The following ZNF385D variants were observed in gnomAD, a reference collection of about 807,000 sequenced individuals.
The protein encoded by ZNF385D is zinc finger protein 659.
A neutral mutation model predicts 35.8 loss-of-function variants in ZNF385D; 15 were observed. The observed-to-expected ratio is 0.42, with a 90% confidence interval of 0.28 to 0.64. ZNF385D has a LOEUF of 0.64. ZNF385D is among the 30% of genes least tolerant of loss of function. The pLI is 0.23. For synonymous variants in ZNF385D, 212 were observed against 186.8 expected (o/e 1.13, Z -1.10); for missense variants, 474 against 494.6 (o/e 0.96, Z 0.39).
chr3:22,210,993 G>A lies in ZNF385D; in HGVS notation c.107-41958C>T, dbSNP rs541514515. On this transcript the variant is annotated intron_variant, in intron 2 of 5. Transcript: ENST00000494108. ...TTAAAACAAGTTTTGAAAATAGGCA[G>A]TTTGGCATATTGATCCTTTGGTGAG... is the stretch of plus-strand genomic sequence containing the variant. 3.9e-5 allele frequency among the ~76,000 whole-genome samples: 6 copies of A among 152,030 alleles called. No individual in the cohort carries two copies. In the South Asian group the frequency reaches 1.2e-3, roughly 32 times the overall value.
At chr3:21,983,940 T>G (rs1694658358) in intron 3 of ZNF385D, among the ~76,000 whole-genome samples, 1 of 135,938 alleles carries the variant, frequency 7.4e-6, no homozygotes, top group East Asian at 2.1e-4. Flanking sequence ...TTTTCATGTG[T>G]TTTTTGGCTG....
At chr3:21,724,502 A>C (rs1388442247) in intron 1 of ZNF385D, among the ~76,000 whole-genome samples, 4 of 98,292 alleles carry the variant, frequency 4.1e-5, no homozygotes, top group African/African-American at 1.2e-4. Context: ...AAAAAAAAAA[A>C]AAAAAAAAAA....
At chr3:22,171,008 G>A (rs936560121) in intron 2 of ZNF385D, among the ~76,000 whole-genome samples, 1 of 152,182 alleles carries the variant, frequency 6.6e-6, no homozygotes, top group Non-Finnish European at 1.5e-5. Flanking sequence ...ACTTGACTTA[G>A]AAAAAGTATT....
At chr3:21,977,150 A>G (rs1703680076) in intron 3 of ZNF385D, among the ~76,000 whole-genome samples, 1 of 152,222 alleles carries the variant, frequency 6.6e-6, no homozygotes. Flanking sequence ...GACTCTAATT[A>G]GAGGAAGATT....
intron 2 of ZNF385D, among the ~76,000 whole-genome samples, chr3:21,628,773 CAT>C (rs2065202684): frequency 6.6e-6 from 1 of 152,038 alleles, no homozygotes; most frequent in African/African-American, 2.4e-5. Context: ...GATTCTGACA[CAT>C]AAACAAAAGT....
rs2061947557 is a variant in ZNF385D, at chr3:21,532,503, T to C, written c.277-21480A>G. 2.0e-5 allele frequency among the ~76,000 whole-genome samples: 3 copies of C among 152,138 alleles called. No individual in the cohort carries two copies. In the South Asian group the frequency reaches 6.2e-4, roughly 32 times the overall value. On this transcript the variant is annotated intron_variant, in intron 3 of 7. Coordinates refer to ENST00000281523, the MANE Select transcript of ZNF385D (RefSeq NM_024697.3). ...GATAATTAGATTTCAAGATATTCTT[T>C]GAGAATGGAACATTTTAGTTTCCTT...
intron 2 of ZNF385D, among the ~76,000 whole-genome samples, chr3:22,320,810 T>C (rs1456991355): frequency 6.6e-6 from 1 of 151,930 alleles, no homozygotes; most frequent in Non-Finnish European, 1.5e-5. Flanking sequence ...TAAATCAAAG[T>C]AATTTTTTGA....
At chr3:21,793,732 T>C (rs2072025787) in intron 3 of ZNF385D, among the ~76,000 whole-genome samples, 1 of 152,230 alleles carries the variant, frequency 6.6e-6, no homozygotes, top group African/African-American at 2.4e-5. Flanking sequence ...CTCGGGTCAC[T>C]CACTGCCCAG....
chr3:21,983,019 G>A (rs1346932762), intron 3 of ZNF385D, among the ~76,000 whole-genome samples: 1 of 151,840 alleles, frequency 6.6e-6, no homozygotes, highest in Non-Finnish European at 1.5e-5. Context: ...TTTTTACATT[G>A]ATGTTTATCA....
At chr3:21,707,140 A>C (rs2067935980) in intron 1 of ZNF385D, among the ~76,000 whole-genome samples, 1 of 152,154 alleles carries the variant, frequency 6.6e-6, no homozygotes, top group Non-Finnish European at 1.5e-5. Context: ...AATGAATCAC[A>C]CTGCCAGGAG....
intron 2 of ZNF385D, among the ~76,000 whole-genome samples, chr3:21,565,903 T>TATTA (rs1455946782): frequency 6.6e-6 from 1 of 152,180 alleles, no homozygotes. Context: ...TTCTGTGACA[T>TATTA]ATTATAGTTC....
intron 2 of ZNF385D, among the ~76,000 whole-genome samples, chr3:21,645,234 G>A (rs1215871630): frequency 2.0e-5 from 3 of 152,182 alleles, no homozygotes; most frequent in Non-Finnish European, 4.4e-5. Context: ...GTTAACAGTT[G>A]TTGAAATCAA....
chr3:21,488,851 C>A (rs1301921662), intron 4 of ZNF385D, among the ~76,000 whole-genome samples: 4 of 152,078 alleles, frequency 2.6e-5, no homozygotes, highest in Non-Finnish European at 4.4e-5. Flanking sequence ...AAAGTTTCAG[C>A]ATTTATTTGT....
At chr3:21,814,523 G>T (rs949274526) in intron 3 of ZNF385D, among the ~76,000 whole-genome samples, 4 of 152,014 alleles carry the variant, frequency 2.6e-5, no homozygotes, top group African/African-American at 9.7e-5. Flanking sequence ...AAAAAGCAGG[G>T]GTGGCAATCC....
chr3:22,312,487 T>G (rs955415450), intron 2 of ZNF385D, among the ~76,000 whole-genome samples: 22 of 151,840 alleles, frequency 1.4e-4, no homozygotes, highest in Non-Finnish European at 2.6e-4. Context: ...GGGAGAAAAT[T>G]TTTGCAACCT....
At chr3:21,868,158 C>T (rs1183950501) in intron 3 of ZNF385D, among the ~76,000 whole-genome samples, 1 of 152,080 alleles carries the variant, frequency 6.6e-6, no homozygotes, top group African/African-American at 2.4e-5. Flanking sequence ...TCTGTAGAGT[C>T]AGAGAGTATT....
chr3:21,490,203 C>A (rs1254925366), intron 4 of ZNF385D, among the ~76,000 whole-genome samples: 1 of 151,864 alleles, frequency 6.6e-6, no homozygotes, highest in African/African-American at 2.4e-5. Flanking sequence ...TCTAACTCTG[C>A]CACTAAGGCT....
chr3:21,679,281 AT>A (rs1365716138), intron 1 of ZNF385D, among the ~76,000 whole-genome samples: 1 of 152,048 alleles, frequency 6.6e-6, no homozygotes, highest in Admixed American at 6.6e-5. Flanking sequence ...TTTTTTACTC[AT>A]TTTTTATCAA....
At position 22,223,364 on chromosome 3, in the gene ZNF385D, C is replaced by T. The variant is rs79880320; in HGVS notation, c.107-54329G>A. ...TAATGGCTTCTGACAAACTGACCTA[C>T]TATGTACAGTGTTTAATAATGTAGG... On this transcript the variant is annotated intron_variant, in intron 2 of 5. Transcript: ENST00000494108. Among the ~76,000 whole-genome samples the T allele has an allele frequency of 1.0e-3, 159 of 152,170 alleles. 3 individuals carry two copies. The East Asian group carries it at 0.027, about 26-fold the overall frequency.
Sources: gnomAD v4.1 joint callset for allele counts (sites outside exome capture counted in the v4.1 genomes callset) on GRCh38, gnomAD v4.1.1 for gene constraint, MANE v1.5 for transcripts, NCBI Gene and HGNC (gene_info 2026-07-23, HGNC 2026-07-21) for gene names.